NUMB: variants seen among roughly 807,000 people sequenced by gnomAD.
NUMB encodes the protein NUMB endocytic adaptor protein, also known as protein numb homolog.
In NUMB, 29 loss-of-function variants were observed where a neutral mutation model predicts 59.7. That is an observed-to-expected ratio of 0.49 (90% CI 0.36 to 0.66). NUMB has a LOEUF of 0.66. Among genes scored for constraint, NUMB ranks in the 30% least tolerant of loss-of-function variants. The pLI, the probability that NUMB is intolerant of heterozygous loss-of-function variation, is 0.00. For missense variants in NUMB, 723 were observed against 822.0 expected (o/e 0.88, Z 1.47); for synonymous variants, 288 against 288.2 (o/e 1.00, Z 0.01).
Position 73,405,092 on chromosome 14 carries a change from T to G in NUMB, c.-101+4845A>C, listed in dbSNP as rs1409909347. Among the ~76,000 whole-genome samples, 4 of 152,222 alleles carry G rather than the reference T, an allele frequency of 2.6e-5. No individual in the cohort carries two copies. The East Asian group carries it at 7.7e-4, about 29-fold the overall frequency. Reference sequence around the variant, plus strand: ...TAAAAATGTTGGGAAGATTTCTCGCTTGGTAAGATGAAGTAAATATATCTC... The same window carrying G: ...TAAAAATGTTGGGAAGATTTCTCGCGTGGTAAGATGAAGTAAATATATCTC... On this transcript the variant is annotated intron_variant, in intron 2 of 12. Coordinates refer to ENST00000555238, the MANE Select transcript of NUMB (RefSeq NM_001005743.2).
chr14:73,318,260 T>C (rs1407451554), intron 5 of NUMB, among the ~76,000 whole-genome samples: 1 of 152,234 alleles, frequency 6.6e-6, no homozygotes, highest in African/African-American at 2.4e-5. Context: ...AACATTGAGC[T>C]TTCCCTCTTT....
chr14:73,442,115 C>T (rs1487079976), intron 1 of NUMB, among the ~76,000 whole-genome samples: 1 of 149,762 alleles, frequency 6.7e-6, no homozygotes, highest in Non-Finnish European at 1.5e-5. Flanking sequence ...TTTGGGAGGC[C>T]GAGGCAGGAG....
Position 73,277,042 on chromosome 14 carries a change from C to T in NUMB, c.1492G>A (p.Val498Ile). 6.2e-7 allele frequency: 1 copy of T among 1,614,066 alleles called. No homozygotes were observed. The highest frequency in any genetic ancestry group is 8.5e-7 in the Non-Finnish European group (1 of 1,180,018). Residue 498 changes from valine to isoleucine, a missense_variant, in exon 13 of 13, where the codon GTC becomes ATC. By Grantham distance (29) the Val-to-Ile change is conservative (BLOSUM62 3). This residue lies in a region of NUMB where 406 missense variants were observed against 385.4 expected (regional missense o/e 1.05). Transcript: ENST00000555238. ...ACAAAGGCTGGTTGCAGGGCTGGGA[C>T]CACACCCACTGGCACAGGCTGAGAG... Reference protein sequence around the residue: ...LTSQPVPVGVVPALQPAFVPA... With the variant: ...LTSQPVPVGVIPALQPAFVPA...
intron 4 of NUMB, among the ~76,000 whole-genome samples, chr14:73,337,391 C>G (rs1892388903): frequency 6.6e-6 from 1 of 152,164 alleles, no homozygotes; most frequent in African/African-American, 2.4e-5. Context: ...ATCCCAGCTA[C>G]TCGGGAAGGC....
At position 73,318,590 on chromosome 14, in the gene NUMB, A is replaced by G. The variant is rs548549099; in HGVS notation, c.202-2168T>C. Among the ~76,000 whole-genome samples the G allele has an allele frequency of 7.2e-5, 11 of 152,320 alleles. No individual in the cohort carries two copies. In the South Asian group the frequency reaches 2.3e-3, roughly 32 times the overall value. Reference sequence around the variant, plus strand: ...AACCAAAGGCCTTATACACTTTTTTATGGAATTGGCTGATATATGACAATA... The same window carrying G: ...AACCAAAGGCCTTATACACTTTTTTGTGGAATTGGCTGATATATGACAATA... On this transcript the variant is annotated intron_variant, in intron 5 of 12. Coordinates refer to ENST00000555238, the MANE Select transcript of NUMB (RefSeq NM_001005743.2).
chr14:73,312,698 A>G (rs1890840584), intron 6 of NUMB, among the ~76,000 whole-genome samples: 1 of 143,112 alleles, frequency 7.0e-6, no homozygotes, highest in Non-Finnish European at 1.5e-5. Context: ...TGGGTGACAG[A>G]GTGAGACCCT....
chr14:73,364,671 A>G (rs1894253984), intron 3 of NUMB, among the ~76,000 whole-genome samples: 2 of 152,168 alleles, frequency 1.3e-5, no homozygotes, highest in Non-Finnish European at 2.9e-5. Context: ...TCTGTTGTCC[A>G]GGCTACAGTG....
intron 2 of NUMB, among the ~76,000 whole-genome samples, chr14:73,384,008 C>T (rs748892719): frequency 1.1e-4 from 17 of 151,838 alleles, no homozygotes; most frequent in Non-Finnish European, 2.5e-4. Context: ...CAGAGTGAGA[C>T]TCTGTCTCAA....
At chr14:73,357,739 G>A (rs1473844651) in intron 3 of NUMB, among the ~76,000 whole-genome samples, 2 of 151,962 alleles carry the variant, frequency 1.3e-5, no homozygotes, top group African/African-American at 4.8e-5. Context: ...CTCCAGCCTG[G>A]GCAACAGAGC....
At position 73,276,921 on chromosome 14, in the gene NUMB, A is replaced by C; in HGVS notation, c.1613T>G (p.Val538Gly). 6.2e-7 allele frequency: 1 copy of C among 1,614,144 alleles called. No individual in the cohort carries two copies. The highest frequency in any genetic ancestry group is 8.5e-7 in the Non-Finnish European group (1 of 1,180,026). ...CTGAGGGTGGCCTGCAGTGCCAAAT[A>C]CGTTGGCCACCATCTGGGAGGGAGT... ...GITPSQMVAN[V>G]FGTAGHPQAA... The change falls in exon 13 of 13, where the codon GTA becomes GGA. Residue 538 changes from valine to glycine, a missense_variant. Coordinates refer to ENST00000555238, the MANE Select transcript of NUMB (RefSeq NM_001005743.2).
intron 1 of NUMB, among the ~76,000 whole-genome samples, chr14:73,433,099 C>T (rs544899927): frequency 8.6e-5 from 13 of 151,744 alleles, no homozygotes; most frequent in African/African-American, 1.7e-4. Context: ...CCCAGCTACT[C>T]GGGAGGCTGA....
chr14:73,455,767 C>T (rs957686604), intron 1 of NUMB, among the ~76,000 whole-genome samples: 2 of 152,036 alleles, frequency 1.3e-5, no homozygotes, highest in Non-Finnish European at 2.9e-5. Context: ...TTTGTTTTTG[C>T]TTATTTTCTA....
intron 4 of NUMB, among the ~76,000 whole-genome samples, chr14:73,328,274 C>CA (rs199628671): frequency 0.19 from 24,204 of 130,618 alleles, 2,632 homozygotes; most frequent in Non-Finnish European, 0.25. Flanking sequence ...GACTCCATCT[C>CA]AAAAAAAAAA....
intron 2 of NUMB, among the ~76,000 whole-genome samples, chr14:73,368,491 G>A (rs1894495214): frequency 6.6e-6 from 1 of 151,930 alleles, no homozygotes; most frequent in South Asian, 2.1e-4. Flanking sequence ...GCTGAGGCAG[G>A]AGAATCACTT....
At chr14:73,389,425 C>A (rs1047156725) in intron 2 of NUMB, among the ~76,000 whole-genome samples, 8 of 151,926 alleles carry the variant, frequency 5.3e-5, no homozygotes, top group Admixed American at 3.3e-4. Context: ...CAGGTTCAAG[C>A]GATTCTCCTG....
At chr14:73,288,930 G>C (rs1225567365) in intron 8 of NUMB, among the ~76,000 whole-genome samples, 3 of 151,854 alleles carry the variant, frequency 2.0e-5, no homozygotes, top group African/African-American at 7.3e-5. Flanking sequence ...TGTGTCTGTG[G>C]TCCTACTTGG....
chr14:73,290,108 C>T (rs775889352), intron 8 of NUMB, among the ~76,000 whole-genome samples: 2 of 152,204 alleles, frequency 1.3e-5, no homozygotes, highest in Non-Finnish European at 2.9e-5. Context: ...GCTGCCGGGC[C>T]ACTATTTGAC....
rs865971088 is a variant in NUMB, at chr14:73,387,243, T to C, written c.-100-20262A>G. Among the ~76,000 whole-genome samples, 6 of 152,172 alleles carry C rather than the reference T, an allele frequency of 3.9e-5. No individual in the cohort carries two copies. The East Asian group carries it at 5.8e-4, about 15-fold the overall frequency. On this transcript the variant is annotated intron_variant, in intron 2 of 12. Coordinates refer to ENST00000555238, the MANE Select transcript of NUMB (RefSeq NM_001005743.2). ...GTCCTTACCCTGATCCCCTCTTGAATTGTAGTTCCCATAATCCCCATGTGT... is the reference window on the plus strand; with the variant it reads ...GTCCTTACCCTGATCCCCTCTTGAACTGTAGTTCCCATAATCCCCATGTGT...
rs1170959840 is a variant in NUMB at position 73,352,477 on chromosome 14, CATATATATATAT to C, written c.126+3137_126+3148del. On this transcript the variant is annotated intron_variant, in intron 4 of 12. Transcript: ENST00000555238. ...ACACACATACACACACACACACACA[CATATATATATAT>C]ATATATATATATATATATATATATA... 2.0e-3 allele frequency among the ~76,000 whole-genome samples: 25 copies of C among 12,688 alleles called. 1 individual carries two copies. The highest frequency in any genetic ancestry group is 0.014 in the South Asian group (2 of 148). The allele number at this position is 12,688 out of a possible 152,430, so 8.3% of individuals were successfully genotyped here.
Sources: allele counts gnomAD v4.1 joint callset (sites outside exome capture counted in the v4.1 genomes callset), GRCh38; gene constraint gnomAD v4.1.1; regional missense constraint gnomAD v4.1.1; transcripts MANE v1.5; gene names NCBI Gene and HGNC (gene_info 2026-07-23, HGNC 2026-07-21).